Variants in FCHO1 observed in about 807,000 individuals in gnomAD.
The protein encoded by FCHO1 is F-BAR domain only protein 1.
FCHO1 carries 45 observed loss-of-function variants against 114.4 expected under a neutral mutation model. That is an observed-to-expected ratio of 0.39 (90% CI 0.31 to 0.50). The LOEUF is 0.50. Ranked by LOEUF, FCHO1 falls within the 20% of genes least tolerant of loss-of-function variation. The pLI, the probability that FCHO1 is intolerant of heterozygous loss-of-function variation, is 0.77. For synonymous variants in FCHO1, 480 were observed against 488.9 expected (o/e 0.98, Z 0.24); for missense variants, 1,042 against 1,209.6 (o/e 0.86, Z 2.06).
In FCHO1 at chr19:17,787,910, G is replaced by C. The variant is rs550009492; in HGVS notation, c.2647+64G>C. The C allele has an allele frequency of 2.5e-5, 39 of 1,538,834 alleles. No homozygotes were observed. The African/African-American group carries it at 4.3e-4, about 17-fold the overall frequency. On this transcript the variant is annotated intron_variant, in intron 28 of 28. Transcript: ENST00000596536. Reference sequence around the variant, plus strand: ...GAGATCTTACAGGGGCAAGCCCCGGGGTGTGGGGAGGGATTGGGGTGTGGG... The same window carrying C: ...GAGATCTTACAGGGGCAAGCCCCGGCGTGTGGGGAGGGATTGGGGTGTGGG...
chr19:17,772,480 A>G lies in FCHO1; in HGVS notation c.618A>G (p.Thr206=), dbSNP rs766269522. The change falls in exon 10 of 29, where the codon ACA becomes ACG. Residue 206 remains threonine, a synonymous_variant. Transcript: ENST00000596536. ...AGCGCTTCCAAGCCATGGAGGAGAC[A>G]CACCTGAGGCACATGAAGGCACTGC... is the stretch of plus-strand genomic sequence containing the variant. ...SALRFQAMEE[T]HLRHMKALLG... 1 of 1,613,850 alleles carries G rather than the reference A, an allele frequency of 6.2e-7. No homozygotes were observed. The highest frequency in any genetic ancestry group is 1.1e-5 in the South Asian group (1 of 91,040).
intron 4 of FCHO1, chr19:17,758,929 G>T (rs2074705736): frequency 1.3e-5 from 2 of 152,128 alleles, no homozygotes; most frequent in African/African-American, 4.8e-5. Flanking sequence ...AGCCATGATT[G>T]TGCCGCTGCA....
intron 19 of FCHO1, 29 bp downstream of exon 19, chr19:17,778,257 G>T (rs995350642): frequency 1.3e-6 from 2 of 1,573,206 alleles, no homozygotes; most frequent in Non-Finnish European, 1.7e-6. Context: ...TGGAGGGCAT[G>T]GGTGTGGCCG....
Position 17,775,393 on chromosome 19 carries a change from A to G in FCHO1, c.946-63A>G. On this transcript the variant is annotated intron_variant, in intron 14 of 28. Transcript: ENST00000596536. This position sits in a 1 kb window ranked among gnomAD's most constrained non-coding sequence, Gnocchi z 5.1. ...GGGGGCAGGGCGGGGGGCGGTTGGC[A>G]GGGTGAGATGGAAGGTTCGATAGTG... 5 of 1,524,824 alleles carry G rather than the reference A, an allele frequency of 3.3e-6. No individual in the cohort carries two copies. The highest frequency in any genetic ancestry group is 1.7e-4 in the Middle Eastern group (1 of 5,882). 94.5% of individuals were successfully genotyped at this position (1,524,824 alleles called of 1,614,324 possible).
At chr19:17,786,551 G>C (rs2093913870) in intron 26 of FCHO1, 23 bp from the exon 27 acceptor site, 2 of 1,534,488 alleles carry the variant, frequency 1.3e-6, no homozygotes, top group Middle Eastern at 1.8e-4. Context: ...GGGAAGCCCT[G>C]ATTAAGATTC....
At chr19:17,788,263 C>A in intron 28 of FCHO1, 21 bp from the exon 29 acceptor site, 2 of 1,553,808 alleles carry the variant, frequency 1.3e-6, no homozygotes, top group Non-Finnish European at 8.8e-7. Flanking sequence ...ACCCCTCCCC[C>A]TCACAGCTGC....
intron 4 of FCHO1, among the ~76,000 whole-genome samples, chr19:17,761,909 T>C (rs2086414921): frequency 6.6e-6 from 1 of 151,296 alleles, no homozygotes; most frequent in East Asian, 1.9e-4. Flanking sequence ...TCCGCCCGCC[T>C]CAGCCTCCCA....
chr19:17,752,435 T>G (rs2082211376), intron 1 of FCHO1: 1 of 151,044 alleles, frequency 6.6e-6, no homozygotes, highest in Admixed American at 6.7e-5. Context: ...ATTTTTATAT[T>G]TTTTGGTAGA....
rs1209117499 is a variant in FCHO1 at position 17,784,702 on chromosome 19, T to TC, written c.2227-22dup. On this transcript the variant is annotated intron_variant, in intron 25 of 28. Transcript: ENST00000596536. This position sits in a 1 kb window ranked among gnomAD's most constrained non-coding sequence, Gnocchi z 5.3. ...ACAGGATGGCCCAAGCTGTGTCCTC[T>TC]CTCTCATTCTCATTCTTCCTAGTTC... The TC allele has an allele frequency of 6.2e-7, 1 of 1,611,534 alleles. No individual in the cohort carries two copies. Among genetic ancestry groups the TC allele is most frequent in the African/African-American group, 1.3e-5 (1 of 74,864 alleles).
intron 4 of FCHO1, among the ~76,000 whole-genome samples, chr19:17,760,500 T>C (rs571700899): frequency 7.1e-4 from 108 of 152,262 alleles, no homozygotes; most frequent in Non-Finnish European, 1.2e-3. Context: ...CCATTGAGAG[T>C]GGCAGAAAAA....
Position 17,763,420 on chromosome 19 carries a change from C to T in FCHO1, c.119+567C>T, listed in dbSNP as rs573979782. 2.6e-5 allele frequency among the ~76,000 whole-genome samples: 4 copies of T among 151,946 alleles called. No homozygotes were observed. The East Asian group carries it at 5.8e-4, about 22-fold the overall frequency. On this transcript the variant is annotated intron_variant, in intron 5 of 28. Coordinates refer to ENST00000596536, the MANE Select transcript of FCHO1 (RefSeq NM_015122.3). ...CTGAGACTACAGGTGCCTGCCACCA[C>T]GTCTGGCTAATTTTTTTATTTTTAG...
In FCHO1 at chr19:17,770,454, T is replaced by C; in HGVS notation, c.366T>C (p.Asp122=). 6.2e-7 allele frequency: 1 copy of C among 1,613,620 alleles called. No individual in the cohort carries two copies. The highest frequency in any genetic ancestry group is 8.5e-7 in the Non-Finnish European group (1 of 1,179,822). The change falls in exon 8 of 29, where the codon GAT becomes GAC. Residue 122 remains aspartate, a synonymous_variant. Coordinates refer to ENST00000596536, the MANE Select transcript of FCHO1 (RefSeq NM_015122.3). ...AGGAGGAAGTGGTGAGCACCTTGGA[T>C]GCTGTGCAGGTACTCTCGGGCGTCA... The part of the protein sequence containing the change: ...KCKEEVVSTL[D]AVQVLSGVSQ...
At chr19:17,752,577 C>T (rs1176206675) in intron 1 of FCHO1, among the ~76,000 whole-genome samples, 1 of 151,330 alleles carries the variant, frequency 6.6e-6, no homozygotes, top group Non-Finnish European at 1.5e-5. Flanking sequence ...TTTAATTTTA[C>T]TTGGTTTAAC....
rs533729841 is a variant in FCHO1, at chr19:17,788,099, C to T, written c.2648-185C>T. On this transcript the variant is annotated intron_variant, in intron 28 of 28. Transcript: ENST00000596536. ...GAAGTCCCCCCTGCCACCCCCTCCT[C>T]CAGCCCCACCCTGTTCTCCTGCCCC... Among the ~76,000 whole-genome samples, 3 of 151,836 alleles carry T rather than the reference C, an allele frequency of 2.0e-5. No homozygotes were observed. In the East Asian group the frequency reaches 5.8e-4, roughly 30 times the overall value.
At chr19:17,778,482 G>A (rs534050252) in intron 19 of FCHO1, 127 bp from the exon 20 acceptor site, 3 of 1,058,720 alleles carry the variant, frequency 2.8e-6, no homozygotes, top group South Asian at 1.6e-5. Context: ...AGCCTTGGGG[G>A]CGTGCACAAG....
chr19:17,751,265 A>AT (rs563446415), upstream of FCHO1, among the ~76,000 whole-genome samples: 233 of 152,144 alleles, frequency 1.5e-3, 1 homozygote, highest in Middle Eastern at 0.014. This position sits in a 1 kb window ranked among gnomAD's most constrained non-coding sequence, Gnocchi z 4.4. Context: ...GTGCTCAGTT[A>AT]TTTCCCAATT....
chr19:17,778,408 C>G (rs554623952), intron 19 of FCHO1, 180 bp downstream of exon 19: 1 of 766,798 alleles, frequency 1.3e-6, no homozygotes, highest in Non-Finnish European at 2.1e-6. Flanking sequence ...GGGGCCTTGG[C>G]CAGTGGGCGG....
upstream of FCHO1, among the ~76,000 whole-genome samples, chr19:17,748,131 G>T (rs1193162534): frequency 6.6e-6 from 1 of 152,120 alleles, no homozygotes; most frequent in Non-Finnish European, 1.5e-5. Context: ...TGGGTTCTGG[G>T]GCTGCAAAGA....
At chr19:17,763,584 T>TTTTG (rs2087385566) in intron 5 of FCHO1, among the ~76,000 whole-genome samples, 1 of 148,320 alleles carries the variant, frequency 6.7e-6, no homozygotes, top group Non-Finnish European at 1.5e-5. Context: ...TTTTTCTTTT[T>TTTTG]GGAGACAGAG....
Sources: gnomAD v4.1 joint callset for allele counts (sites outside exome capture counted in the v4.1 genomes callset) on GRCh38, gnomAD v4.1.1 for gene constraint, Gnocchi (gnomAD v3.1) non-coding constraint, MANE v1.5 for transcripts, NCBI Gene and HGNC (gene_info 2026-07-23, HGNC 2026-07-21) for gene names.